The following ISM2 variants were observed in gnomAD, a reference collection of about 807,000 sequenced individuals.
The protein encoded by ISM2 is isthmin 2.
ISM2 carries 50 observed loss-of-function variants against 58.0 expected under a neutral mutation model. That is an observed-to-expected ratio of 0.86 (90% CI 0.69 to 1.09). The LOEUF is 1.09. ISM2 is among the 50% of genes least tolerant of loss of function. The pLI is 0.00. For missense variants in ISM2, 723 were observed against 745.0 expected, an observed-to-expected ratio of 0.97 and a Z score of 0.34; for synonymous variants, 303 against 312.4, an observed-to-expected ratio of 0.97 and a Z score of 0.32.
intron 1 of ISM2, 138 bp downstream of exon 1, chr14:77,498,515 G>A (rs2079262512): frequency 7.7e-7 from 1 of 1,298,682 alleles, no homozygotes; most frequent in Non-Finnish European, 1.0e-6. Flanking sequence ...GGAGCTTCCG[G>A]CCGGCCCCGG....
intron 1 of ISM2, among the ~76,000 whole-genome samples, chr14:77,486,383 G>A (rs1027020059): frequency 6.6e-6 from 1 of 152,194 alleles, no homozygotes; most frequent in Admixed American, 6.5e-5. Context: ...CTAAACGCCT[G>A]GTCCCAGGGC....
intron 1 of ISM2, among the ~76,000 whole-genome samples, chr14:77,495,414 T>G (rs574219956): frequency 2.0e-5 from 3 of 152,280 alleles, no homozygotes; most frequent in African/African-American, 7.2e-5. Context: ...TAGGGGAAGA[T>G]TTGGCAAACA....
intron 1 of ISM2, chr14:77,498,312 C>T (rs750282537): frequency 2.7e-4 from 367 of 1,366,142 alleles, no homozygotes; most frequent in Non-Finnish European, 3.3e-4. Flanking sequence ...CGAGCTAGCG[C>T]GCACCTGGAA....
chr14:77,497,305 T>A (rs1484324381), intron 1 of ISM2, among the ~76,000 whole-genome samples: 3 of 146,582 alleles, frequency 2.0e-5, no homozygotes, highest in Admixed American at 7.2e-5. Context: ...GTGGCAGAAG[T>A]TGCAGTGAGC....
rs777579764 is a variant in ISM2 at position 77,491,691 on chromosome 14, CTTTTTTTTT to C, written c.142-6781_142-6773del. On this transcript the variant is annotated intron_variant, in intron 1 of 6. Transcript: ENST00000342219. ...ACAGGCATGGGCCACCGCGTCTGGT[CTTTTTTTTT>C]TTTTTTTTTTTTTTGAGATGGAATC... 8.5e-5 allele frequency among the ~76,000 whole-genome samples: 9 copies of C among 105,266 alleles called. No homozygotes were observed. In the Admixed American group the frequency reaches 9.7e-4, roughly 11 times the overall value. 69.1% of individuals were successfully genotyped at this position (105,266 alleles called of 152,430 possible).
chr14:77,488,071 G>A (rs2079179210), intron 1 of ISM2, among the ~76,000 whole-genome samples: 1 of 152,204 alleles, frequency 6.6e-6, no homozygotes, highest in Non-Finnish European at 1.5e-5. Context: ...TACACACCAG[G>A]CCTTCCTAGG....
chr14:77,496,483 C>T (rs1003877427), intron 1 of ISM2, among the ~76,000 whole-genome samples: 2 of 143,480 alleles, frequency 1.4e-5, no homozygotes, highest in African/African-American at 2.6e-5. Context: ...AGCAAAACTC[C>T]GTCTCCGGGA....
In ISM2 at chr14:77,482,376, C is replaced by T. The variant is rs913382126; in HGVS notation, c.919G>A (p.Asp307Asn). The T allele has an allele frequency of 1.2e-6, 2 of 1,614,152 alleles. No homozygotes were observed. Among genetic ancestry groups the T allele is most frequent in the South Asian group, 1.1e-5 (1 of 91,078 alleles). Residue 307 changes from aspartate (D) to asparagine (N), a missense_variant, in exon 4 of 7, where the codon GAC becomes AAC. By Grantham distance (23) the Asp-to-Asn change is conservative. Coordinates refer to ENST00000342219, the MANE Select transcript of ISM2 (RefSeq NM_199296.3). ...TCCCCGGGGGCCAGCCAGCCCTGGT[C>T]CCAGTTGTCTGTAGTTCCATTGAAC... ...LWFNGTTDNWDQGWLAPGDWV... is the reference protein window; with the variant it reads ...LWFNGTTDNWNQGWLAPGDWV...
rs201033216 is a variant in ISM2 at position 77,475,120 on chromosome 14, C to G, written c.*475G>C. 4.1e-5 allele frequency: 6 copies of G among 147,076 alleles called. No homozygotes were observed. The highest frequency in any genetic ancestry group is 3.4e-4 in the Admixed American group (5 of 14,686). The allele number at this position is 147,076 out of a possible 1,614,324, so 9.1% of individuals were successfully genotyped here. A position where few individuals can be genotyped will look rare whatever the true frequency, so the allele number is the denominator to read the frequency against. On this transcript the variant is annotated 3_prime_UTR_variant, in exon 7 of 7. Transcript: ENST00000342219. This position sits in a 1 kb window ranked among gnomAD's most constrained non-coding sequence, Gnocchi z 4.1. Reference sequence around the variant, plus strand: ...GGCCACCCAGGCTGGATGCCCCCCCCGGCAAAGGATGGCTGTGCCCATGAG... The same window carrying G: ...GGCCACCCAGGCTGGATGCCCCCCCGGGCAAAGGATGGCTGTGCCCATGAG...
chr14:77,492,648 C>A (rs774601805), intron 1 of ISM2, among the ~76,000 whole-genome samples: 4 of 151,502 alleles, frequency 2.6e-5, no homozygotes, highest in Non-Finnish European at 4.4e-5. Flanking sequence ...GTAGCTAGCA[C>A]TATAGGCATG....
chr14:77,481,805 A>AG lies in ISM2; in HGVS notation c.973+516_973+517insC, dbSNP rs540878061. On this transcript the variant is annotated intron_variant, in intron 4 of 6. Transcript: ENST00000342219. The stretch of plus-strand genomic sequence containing the variant: ...GAGGGTCAAATGTTGTTCAGAAAAA[A>AG]AGAAAAAAAAAAGGCTGGGCACAGT... Among the ~76,000 whole-genome samples the AG allele has an allele frequency of 2.7e-4, 31 of 115,706 alleles. No individual in the cohort carries two copies. The East Asian group carries it at 0.033, about 122-fold the overall frequency. 75.9% of individuals were successfully genotyped at this position (115,706 alleles called of 152,430 possible). A position where few individuals can be genotyped will look rare whatever the true frequency, so the allele number is the denominator to read the frequency against.
At chr14:77,497,582 T>G (rs1251990051) in intron 1 of ISM2, among the ~76,000 whole-genome samples, 1 of 151,156 alleles carries the variant, frequency 6.6e-6, no homozygotes, top group Non-Finnish European at 1.5e-5. Flanking sequence ...CGCTCCCAGG[T>G]ACCCAGGAGG....
In ISM2 at chr14:77,498,777, T is replaced by C. The variant is rs2079266358; in HGVS notation, c.17A>G (p.Asp6Gly). Residue 6 changes from aspartate (D) to glycine (G), a missense_variant, in exon 1 of 7, where the codon GAC (aspartate) becomes GGC (glycine). Physicochemically the swap from Asp to Gly is moderately conservative, Grantham distance 94. Coordinates refer to ENST00000342219, the MANE Select transcript of ISM2 (RefSeq NM_199296.3). MRALR[D>G]RAGLLLCVLL... is the part of the protein sequence containing the mutation. Reference sequence around the variant, plus strand: ...CACGCAGAGGAGGAGCCCGGCTCGGTCGCGGAGCGCACGCATCGTCTCGGT... The same window carrying C: ...CACGCAGAGGAGGAGCCCGGCTCGGCCGCGGAGCGCACGCATCGTCTCGGT... The C allele has an allele frequency of 6.9e-7, 1 of 1,456,614 alleles. No individual in the cohort carries two copies. The highest frequency in any genetic ancestry group is 9.0e-7 in the Non-Finnish European group (1 of 1,113,726). 90.2% of individuals were successfully genotyped at this position (1,456,614 alleles called of 1,614,324 possible).
In ISM2 at chr14:77,478,664, C is replaced by T; in HGVS notation, c.1025G>A (p.Cys342Tyr). The part of the protein sequence containing the change: ...WSPWSPCSGN[C>Y]STGKQQRTRP... ...AGTCCTCTGCTGCTTGCCAGTGCTGCAGTTCCCACTGCAGGGAGACCAGGG... is the reference window on the plus strand; with the variant it reads ...AGTCCTCTGCTGCTTGCCAGTGCTGTAGTTCCCACTGCAGGGAGACCAGGG... The change falls in exon 5 of 7, where the codon TGC (cysteine) becomes TAC (tyrosine). Residue 342 changes from cysteine to tyrosine, a missense_variant. Cys to Tyr is a radical substitution (Grantham distance 194, BLOSUM62 -2). Coordinates refer to ENST00000342219, the MANE Select transcript of ISM2 (RefSeq NM_199296.3). 6.2e-7 allele frequency: 1 copy of T among 1,613,916 alleles called. No individual in the cohort carries two copies. The highest frequency in any genetic ancestry group is 8.5e-7 in the Non-Finnish European group (1 of 1,179,822).
At chr14:77,476,664 A>T (rs8021513) in intron 6 of ISM2, among the ~76,000 whole-genome samples, 142,795 of 152,206 alleles carry the variant, frequency 0.94, 67,648 homozygotes, top group East Asian at 1. Context: ...GCCTTTTTTT[A>T]AACTATATTT....
chr14:77,482,918 C>G, intron 3 of ISM2: 1 of 365,934 alleles, frequency 2.7e-6, no homozygotes, highest in Non-Finnish European at 4.8e-6. Context: ...ATGGACTGAA[C>G]TGGTCTGGGC....
intron 4 of ISM2, among the ~76,000 whole-genome samples, chr14:77,481,917 T>C (rs1028872349): frequency 2.1e-4 from 31 of 150,084 alleles, no homozygotes; most frequent in African/African-American, 7.1e-4. Flanking sequence ...CTCTGCAACA[T>C]AGGGAGACCT....
rs145487294 is a variant in ISM2 at position 77,475,932 on chromosome 14, C to A, written c.1379G>T (p.Gly460Val). The A allele has an allele frequency of 6.3e-7, 1 of 1,599,572 alleles. No individual in the cohort carries two copies. Among genetic ancestry groups the A allele is most frequent in the Non-Finnish European group, 8.5e-7 (1 of 1,179,688 alleles). ...GRSFRWRDAS[G>V]PRERLDIYQP... The stretch of plus-strand genomic sequence containing the variant: ...GTAGATGTCCAGGCGCTCGCGAGGG[C>A]CACTGGCATCCCTCCACCGGAAGCT... Residue 460 changes from glycine (G) to valine (V), a missense_variant, in exon 7 of 7, where the codon GGC becomes GTC. Coordinates refer to ENST00000342219, the MANE Select transcript of ISM2 (RefSeq NM_199296.3). The surrounding 1 kb of genome is among the most constrained non-coding windows in gnomAD (Gnocchi z 4.1).
In ISM2 at chr14:77,476,083, A is replaced by G. The variant is rs375334541; in HGVS notation, c.1228T>C (p.Cys410Arg). 16 of 1,525,826 alleles carry G rather than the reference A, an allele frequency of 1.0e-5. No individual in the cohort carries two copies. Among genetic ancestry groups the G allele is most frequent in the Non-Finnish European group, 1.4e-5 (16 of 1,140,488 alleles). 94.5% of individuals were successfully genotyped at this position (1,525,826 alleles called of 1,614,324 possible). Reference sequence around the variant, plus strand: ...TACTTGATTAGGAAGTCGCTCTTGCAGTTCAGCCACTTCTCACAGCTGTCC... The same window carrying G: ...TACTTGATTAGGAAGTCGCTCTTGCGGTTCAGCCACTTCTCACAGCTGTCC... ...DVDSCEKWLN[C>R]KSDFLIKYLS... Residue 410 changes from cysteine (C) to arginine (R), a missense_variant, in exon 7 of 7, where the codon TGC (cysteine) becomes CGC (arginine). Coordinates refer to ENST00000342219, the MANE Select transcript of ISM2 (RefSeq NM_199296.3).
Sources: gnomAD v4.1 joint callset for allele counts (sites outside exome capture counted in the v4.1 genomes callset) on GRCh38, gnomAD v4.1.1 for gene constraint, Gnocchi (gnomAD v3.1) non-coding constraint, MANE v1.5 for transcripts, NCBI Gene and HGNC (gene_info 2026-07-23, HGNC 2026-07-21) for gene names.